The following IL34 variants were observed in gnomAD, a reference collection of about 807,000 sequenced individuals.
IL34 encodes interleukin-34.
A neutral mutation model predicts 25.3 loss-of-function variants in IL34; 17 were observed. The ratio of observed to expected loss-of-function variants is 0.67; its 90% CI spans 0.46 to 1.01. The LOEUF (loss-of-function observed/expected upper bound fraction) is 1.01, where lower values mean the gene tolerates loss of function less well. Ranked by LOEUF, IL34 falls within the 50% of genes least tolerant of loss-of-function variation. The pLI is 0.00. For synonymous variants in IL34, 174 were observed against 140.9 expected, an observed-to-expected ratio of 1.23 and a Z score of -1.66; for missense variants, 368 against 312.9, an observed-to-expected ratio of 1.18 and a Z score of -1.33.
intron 1 of IL34, among the ~76,000 whole-genome samples, chr16:70,629,727 T>G (rs980899731): frequency 2.6e-5 from 4 of 152,100 alleles, no homozygotes; most frequent in Middle Eastern, 3.2e-3. Context: ...TTTGAAATGT[T>G]TGTGCGTACA....
chr16:70,626,375 G>T (rs1355891113), intron 1 of IL34, among the ~76,000 whole-genome samples: 1 of 151,980 alleles, frequency 6.6e-6, no homozygotes, highest in Non-Finnish European at 1.5e-5. Context: ...AAGAAAACAC[G>T]ATGTGTGTGG....
intron 4 of IL34, among the ~76,000 whole-genome samples, chr16:70,657,968 G>A (rs1047411437): frequency 6.6e-6 from 1 of 152,122 alleles, no homozygotes; most frequent in Non-Finnish European, 1.5e-5. Flanking sequence ...AGGCCTCAGG[G>A]ATATTATCCT....
At chr16:70,607,318 A>G (rs2051021899) in intron 1 of IL34, among the ~76,000 whole-genome samples, 2 of 152,046 alleles carry the variant, frequency 1.3e-5, no homozygotes, top group Non-Finnish European at 2.9e-5. Flanking sequence ...GTTAGCCAGG[A>G]TGGTCGTGAT....
intron 1 of IL34, among the ~76,000 whole-genome samples, chr16:70,652,313 A>G (rs1180622665): frequency 6.6e-6 from 1 of 151,410 alleles, no homozygotes; most frequent in East Asian, 1.9e-4. Context: ...AAAAAAAATT[A>G]GCTGGGTGTG....
rs144686509 is a variant in IL34, at chr16:70,627,443, C to T, written c.-400-19105C>T. 4.9e-3 allele frequency among the ~76,000 whole-genome samples: 698 copies of T among 141,028 alleles called. 5 individuals carry two copies. The highest frequency in any genetic ancestry group is 0.017 in the African/African-American group (619 of 35,790). 92.5% of individuals were successfully genotyped at this position (141,028 alleles called of 152,430 possible). On this transcript the variant is annotated intron_variant, in intron 1 of 6. Transcript: ENST00000429149. The stretch of plus-strand genomic sequence containing the variant: ...GCATCCCTCCTCTCCCCTCCCCCTC[C>T]GCTCCCCTCCCCCTCCTCCCCCTTC...
At chr16:70,611,134 A>G (rs1162474524) in intron 1 of IL34, among the ~76,000 whole-genome samples, 3 of 152,072 alleles carry the variant, frequency 2.0e-5, no homozygotes, top group Non-Finnish European at 4.4e-5. Flanking sequence ...GCGCACCACC[A>G]CGCCTGTCTA....
rs1473306394 is a variant in IL34 at position 70,629,862 on chromosome 16, T to G, written c.-400-16686T>G. ...GCATTTTTATCTTTTGTGTTATGAT[T>G]CAGTTATACTGTTTCAGTAATTAAA... is the stretch of plus-strand genomic sequence containing the variant. On this transcript the variant is annotated intron_variant, in intron 1 of 6. Transcript: ENST00000429149. Among the ~76,000 whole-genome samples, 8 of 150,944 alleles carry G rather than the reference T, an allele frequency of 5.3e-5. 1 individual carries two copies. Among genetic ancestry groups the G allele is most frequent in the African/African-American group, 1.7e-4 (7 of 40,234 alleles).
intron 1 of IL34, among the ~76,000 whole-genome samples, chr16:70,652,551 T>A (rs1166853887): frequency 6.6e-6 from 1 of 152,248 alleles, no homozygotes; most frequent in Non-Finnish European, 1.5e-5. Context: ...TAAGCTTCAC[T>A]AAGCATATCT....
At chr16:70,620,687 C>T (rs1014358072) in intron 1 of IL34, among the ~76,000 whole-genome samples, 1 of 151,784 alleles carries the variant, frequency 6.6e-6, no homozygotes, top group Non-Finnish European at 1.5e-5. Context: ...ACGTCAGGCA[C>T]CTCAGACCTT....
At chr16:70,623,821 A>G (rs540931987) in intron 1 of IL34, among the ~76,000 whole-genome samples, 4,454 of 149,110 alleles carry the variant, frequency 0.03, 377 homozygotes, top group African/African-American at 0.11. Context: ...AAAGAGTATC[A>G]TCTAAGTTGG....
At position 70,654,659 on chromosome 16, in the gene IL34, A is replaced by G. The variant is rs1429526027; in HGVS notation, c.150A>G (p.Arg50=). The G allele has an allele frequency of 6.2e-7, 1 of 1,607,664 alleles. No individual in the cohort carries two copies. The highest frequency in any genetic ancestry group is 8.5e-7 in the Non-Finnish European group (1 of 1,175,190). The change falls in exon 2 of 6, where the codon CGA becomes CGG. Residue 50 remains arginine, a synonymous_variant. Coordinates refer to ENST00000288098, the MANE Select transcript of IL34 (RefSeq NM_001393494.1). ...GGGACAAGCTGCAGTACAGGAGCCG[A>G]CTTCAGTACATGGTAACCACGTGGG... The part of the protein sequence containing the change: ...FLRDKLQYRS[R]LQYMKHYFPI...
chr16:70,621,404 A>G (rs973168350), intron 1 of IL34, among the ~76,000 whole-genome samples: 4 of 151,386 alleles, frequency 2.6e-5, no homozygotes, highest in African/African-American at 9.7e-5. Context: ...AAGAGTGGAA[A>G]GAAGAAAGTG....
At chr16:70,654,434 G>C in intron 1 of IL34, 104 bp from the exon 2 acceptor site, 1 of 1,440,170 alleles carries the variant, frequency 6.9e-7, no homozygotes, top group Admixed American at 2.1e-5. Flanking sequence ...ATTGGTGCTT[G>C]TCTCCTATGC....
intron 1 of IL34, among the ~76,000 whole-genome samples, chr16:70,629,725 G>A (rs770298783): frequency 6.6e-6 from 1 of 150,930 alleles, no homozygotes; most frequent in East Asian, 1.9e-4. Context: ...AATTTGAAAT[G>A]TTTGTGCGTA....
At chr16:70,619,554 C>A (rs970034681) in intron 1 of IL34, among the ~76,000 whole-genome samples, 1 of 151,992 alleles carries the variant, frequency 6.6e-6, no homozygotes, top group African/African-American at 2.4e-5. Flanking sequence ...TCAATACCCA[C>A]AACAGTTATG....
rs530924694 is a variant in IL34 at position 70,603,540 on chromosome 16, AGTGCT to A, written c.-401+23492_-401+23496del. 6.5e-3 allele frequency among the ~76,000 whole-genome samples: 987 copies of A among 152,208 alleles called. 11 individuals are homozygous for A. Among genetic ancestry groups the A allele is most frequent in the African/African-American group, 0.022 (897 of 41,518 alleles). ...TGATCCACCCGCCTCAGCCTCCCAG[AGTGCT>A]AGGGTTACAGGTGTGAGTCACCGTG... On this transcript the variant is annotated intron_variant, in intron 1 of 6. Coordinates refer to the IL34 transcript ENST00000429149.
intron 1 of IL34, among the ~76,000 whole-genome samples, chr16:70,636,331 A>T (rs1044898265): frequency 6.6e-6 from 1 of 151,976 alleles, no homozygotes; most frequent in Non-Finnish European, 1.5e-5. Context: ...CCACTGTGCC[A>T]GGCCCAGGGT....
chr16:70,629,386 T>C (rs1180681170), intron 1 of IL34, among the ~76,000 whole-genome samples: 1 of 152,188 alleles, frequency 6.6e-6, no homozygotes, highest in Non-Finnish European at 1.5e-5. Flanking sequence ...CTGATTTTTA[T>C]CTAACATTTA....
chr16:70,612,583 C>G (rs978012018), intron 1 of IL34, among the ~76,000 whole-genome samples: 2 of 152,224 alleles, frequency 1.3e-5, no homozygotes, highest in African/African-American at 4.8e-5. Context: ...GCTCAGAACC[C>G]TCCCAGAAGC....
Sources: gnomAD v4.1 joint callset for allele counts (sites outside exome capture counted in the v4.1 genomes callset) on GRCh38, gnomAD v4.1.1 for gene constraint, MANE v1.5 for transcripts, NCBI Gene and HGNC (gene_info 2026-07-23, HGNC 2026-07-21) for gene names.